The following KCNIP4 variants were observed in gnomAD, a reference collection of about 807,000 sequenced individuals.
KCNIP4 encodes potassium voltage-gated channel interacting protein 4.
Under a neutral mutation model 34.0 loss-of-function variants are expected in KCNIP4, and 12 were observed. The ratio of observed to expected loss-of-function variants is 0.35; its 90% CI spans 0.23 to 0.57. The LOEUF is 0.57. Among genes scored for constraint, KCNIP4 ranks in the 20% least tolerant of loss-of-function variants. KCNIP4 has a pLI of 0.83. For synonymous variants in KCNIP4, 124 were observed against 102.2 expected (o/e 1.21, Z -1.29); for missense variants, 238 against 311.7 (o/e 0.76, Z 1.78).
intron 4 of KCNIP4, among the ~76,000 whole-genome samples, chr4:20,755,169 G>A (rs1754283035): frequency 6.6e-6 from 1 of 152,140 alleles, no homozygotes; most frequent in Admixed American, 6.6e-5. Flanking sequence ...GTCATCCAAA[G>A]TATATCCAAA....
chr4:21,366,319 G>T (rs2109423006), intron 1 of KCNIP4, among the ~76,000 whole-genome samples: 1 of 152,286 alleles, frequency 6.6e-6, no homozygotes, highest in East Asian at 1.9e-4. Context: ...GATGCTGCAT[G>T]CAACGCAGTG....
intron 1 of KCNIP4, among the ~76,000 whole-genome samples, chr4:21,806,312 T>A (rs1410647131): frequency 6.6e-6 from 1 of 152,176 alleles, no homozygotes; most frequent in Non-Finnish European, 1.5e-5. Context: ...ACTACTTGCC[T>A]GAAAAGAAGA....
chr4:21,047,282 C>T (rs1186819244), intron 1 of KCNIP4, among the ~76,000 whole-genome samples: 1 of 152,128 alleles, frequency 6.6e-6, no homozygotes, highest in Non-Finnish European at 1.5e-5. Flanking sequence ...AAGTTGAAGA[C>T]TATGTGATAG....
chr4:21,860,677 A>T (rs1451746338), intron 1 of KCNIP4, among the ~76,000 whole-genome samples: 1 of 145,734 alleles, frequency 6.9e-6, no homozygotes, highest in Non-Finnish European at 1.5e-5. Context: ...AAAAAAAAAA[A>T]TCAGATATAA....
intron 1 of KCNIP4, among the ~76,000 whole-genome samples, chr4:21,365,314 A>G (rs544695269): frequency 4.0e-5 from 6 of 151,762 alleles, no homozygotes; most frequent in Non-Finnish European, 8.8e-5. Context: ...ATGGAACCCC[A>G]TCTTTACTAA....
chr4:21,479,072 T>C (rs759906691), intron 1 of KCNIP4, among the ~76,000 whole-genome samples: 11 of 152,170 alleles, frequency 7.2e-5, no homozygotes, highest in Non-Finnish European at 1.5e-4. Context: ...TCTCTTATTA[T>C]TTCTCTGTAT....
intron 1 of KCNIP4, among the ~76,000 whole-genome samples, chr4:21,302,488 C>T (rs931201914): frequency 6.6e-6 from 1 of 152,202 alleles, no homozygotes; most frequent in African/African-American, 2.4e-5. Context: ...TAAAATAACA[C>T]ACACAAATGA....
rs537884367 is a variant in KCNIP4 at position 21,469,992 on chromosome 4, G to A, written c.61+478579C>T. 2.0e-4 allele frequency among the ~76,000 whole-genome samples: 30 copies of A among 152,192 alleles called. 2 individuals are homozygous for A. In the South Asian group the frequency reaches 6.0e-3, roughly 31 times the overall value. On this transcript the variant is annotated intron_variant, in intron 1 of 8. Transcript: ENST00000382152. ...TGTTTTGCGCTTTTCTGTTAACTAC[G>A]CCACAATTGTGGCCGAAATATAATA...
chr4:21,213,746 C>A (rs1292702913), intron 1 of KCNIP4, among the ~76,000 whole-genome samples: 1 of 152,192 alleles, frequency 6.6e-6, no homozygotes, highest in Admixed American at 6.5e-5. Context: ...AATGGTTTGG[C>A]CCATGTATGG....
intron 1 of KCNIP4, chr4:21,316,168 A>G (rs569037270): frequency 6.6e-6 from 1 of 152,282 alleles, no homozygotes; most frequent in East Asian, 1.9e-4. Context: ...CTTTGTAACT[A>G]TATTCAACTA....
rs147124395 is a variant in KCNIP4, at chr4:21,462,423, G to A, written c.61+486148C>T. Among the ~76,000 whole-genome samples, 1,011 of 152,158 alleles carry A rather than the reference G, an allele frequency of 6.6e-3. 48 individuals are homozygous for A. The East Asian group carries it at 0.12, about 18-fold the overall frequency. ...TCTTATAATAACCATCAGATCTCAT[G>A]AGACTTACTCACTATCACCAGAGAA... On this transcript the variant is annotated intron_variant, in intron 1 of 8. Coordinates refer to ENST00000382152, the MANE Select transcript of KCNIP4 (RefSeq NM_025221.6).
At chr4:21,052,934 G>A (rs1034754970) in intron 1 of KCNIP4, among the ~76,000 whole-genome samples, 1 of 151,986 alleles carries the variant, frequency 6.6e-6, no homozygotes, top group African/African-American at 2.4e-5. Flanking sequence ...GAGAGACAGA[G>A]GGGGAGAAGA....
chr4:20,997,818 G>C (rs563777161), intron 1 of KCNIP4, among the ~76,000 whole-genome samples: 1 of 152,174 alleles, frequency 6.6e-6, no homozygotes, highest in Admixed American at 6.5e-5. Context: ...CTAGGGACCC[G>C]CTCCTAATGA....
intron 1 of KCNIP4, among the ~76,000 whole-genome samples, chr4:21,588,631 A>G (rs1741845959): frequency 6.6e-6 from 1 of 151,832 alleles, no homozygotes; most frequent in African/African-American, 2.4e-5. Flanking sequence ...CCCAAACCCT[A>G]CTAAAGGCAT....
chr4:21,901,525 T>C (rs748868717), intron 1 of KCNIP4, among the ~76,000 whole-genome samples: 1 of 152,184 alleles, frequency 6.6e-6, no homozygotes, highest in Non-Finnish European at 1.5e-5. Flanking sequence ...AGATGGAATG[T>C]TAAATAAGAC....
intron 1 of KCNIP4, among the ~76,000 whole-genome samples, chr4:21,123,797 C>T (rs1315814924): frequency 6.6e-6 from 1 of 152,000 alleles, no homozygotes; most frequent in Non-Finnish European, 1.5e-5. Flanking sequence ...TACCAGAGTA[C>T]TCTCTCTCCA....
At chr4:20,851,019 A>AGCAGT (rs1329460868) in intron 2 of KCNIP4, among the ~76,000 whole-genome samples, 1 of 123,322 alleles carries the variant, frequency 8.1e-6, no homozygotes, top group Non-Finnish European at 1.9e-5. Context: ...CTATAAATCT[A>AGCAGT]ACAGTAACAT....
At chr4:21,637,776 T>A (rs1368829331) in intron 1 of KCNIP4, among the ~76,000 whole-genome samples, 3 of 77,362 alleles carry the variant, frequency 3.9e-5, no homozygotes, top group African/African-American at 1.1e-4. Context: ...AGAACAAAAG[T>A]CCGTCTCAAA....
intron 1 of KCNIP4, among the ~76,000 whole-genome samples, chr4:21,417,097 T>C (rs990269337): frequency 4.6e-5 from 7 of 152,196 alleles, no homozygotes; most frequent in African/African-American, 1.7e-4. Flanking sequence ...GTAGCACCCA[T>C]CATTCTTCTC....
Sources: allele counts gnomAD v4.1 joint callset (sites outside exome capture counted in the v4.1 genomes callset), GRCh38; gene constraint gnomAD v4.1.1; transcripts MANE v1.5; gene names NCBI Gene and HGNC (gene_info 2026-07-23, HGNC 2026-07-21).